MFSD8: variants seen among roughly 807,000 people sequenced by gnomAD.
The protein encoded by MFSD8 is major facilitator superfamily domain-containing protein 8.
In MFSD8, 55 loss-of-function variants were observed where a neutral mutation model predicts 66.4. That is an observed-to-expected ratio of 0.83 (90% CI 0.67 to 1.04). MFSD8 has a LOEUF of 1.04. Among genes scored for constraint, MFSD8 ranks in the 50% least tolerant of loss-of-function variants. The pLI is 0.00. For synonymous variants in MFSD8, 202 were observed against 212.8 expected (o/e 0.95, Z 0.44); for missense variants, 550 against 627.6 (o/e 0.88, Z 1.32).
intron 7 of MFSD8, 69 bp from the exon 8 acceptor site, chr4:127,933,162 T>A: frequency 7.7e-7 from 1 of 1,298,760 alleles, no homozygotes. Context: ...TAAAGTAATG[T>A]AGAAATTACA....
intron 2 of MFSD8, among the ~76,000 whole-genome samples, chr4:127,956,338 A>G (rs1448845524): frequency 6.6e-6 from 1 of 150,954 alleles, no homozygotes; most frequent in Non-Finnish European, 1.5e-5. Flanking sequence ...CCCCGTCTCT[A>G]CTAAAAATAT....
chr4:127,959,470 A>G (rs1743396732), intron 1 of MFSD8, among the ~76,000 whole-genome samples: 1 of 152,220 alleles, frequency 6.6e-6, no homozygotes, highest in South Asian at 2.1e-4. Context: ...TATGTATTGC[A>G]TGATATTCTT....
At chr4:127,965,023 T>C in intron 1 of MFSD8, 49 bp downstream of exon 1, 1 of 1,601,056 alleles carries the variant, frequency 6.2e-7, no homozygotes, top group South Asian at 1.1e-5. Context: ...AAGGAACCAG[T>C]CCCAACAGCG....
intron 7 of MFSD8, among the ~76,000 whole-genome samples, chr4:127,936,969 T>C (rs1157382225): frequency 1.3e-5 from 2 of 152,228 alleles, no homozygotes; most frequent in African/African-American, 4.8e-5. Context: ...TGATAGCTCC[T>C]TGAAGTTAGC....
At chr4:127,961,897 T>C (rs1018440487) in intron 1 of MFSD8, among the ~76,000 whole-genome samples, 1 of 151,524 alleles carries the variant, frequency 6.6e-6, no homozygotes, top group Non-Finnish European at 1.5e-5. Flanking sequence ...CTCAAGCTTA[T>C]GCACTTAACT....
At chr4:127,964,984 G>C in intron 1 of MFSD8, 88 bp downstream of exon 1, 5 of 1,496,718 alleles carry the variant, frequency 3.3e-6, no homozygotes, top group African/African-American at 1.4e-5. Flanking sequence ...TGGCAGCGAG[G>C]GTTTGTCCCA....
chr4:127,942,118 A>T lies in MFSD8; in HGVS notation c.480T>A (p.Thr160=). 6.2e-7 allele frequency: 1 copy of T among 1,614,028 alleles called. No homozygotes were observed. The highest frequency in any genetic ancestry group is 8.5e-7 in the Non-Finnish European group (1 of 1,179,930). ...AVVRSYTAGA[T]SLQERTSSMA... The stretch of plus-strand genomic sequence containing the variant: ...TGGAACTTGTTCTTTCCTGAAGGGA[A>T]GTAGCACCAGCAGTATATGATCTAA... The change falls in exon 5 of 12, where the codon ACT becomes ACA. Residue 160 remains threonine (T), a synonymous_variant. Coordinates refer to ENST00000641686, the MANE Select transcript of MFSD8 (RefSeq NM_001371596.2).
At chr4:127,921,456 G>A in intron 11 of MFSD8, 68 bp downstream of exon 11, 2 of 1,610,360 alleles carry the variant, frequency 1.2e-6, no homozygotes, top group Non-Finnish European at 1.7e-6. Context: ...ATAGAGAATG[G>A]CAGCAAAAAA....
intron 5 of MFSD8, 36 bp from the exon 6 acceptor site, chr4:127,940,033 T>C (rs1739880411): frequency 1.9e-6 from 3 of 1,563,554 alleles, no homozygotes; most frequent in Non-Finnish European, 8.8e-7. Flanking sequence ...TGAATTATTA[T>C]ATGAGAAGCA....
At chr4:127,956,640 G>A (rs1184064201) in intron 2 of MFSD8, among the ~76,000 whole-genome samples, 2 of 151,956 alleles carry the variant, frequency 1.3e-5, no homozygotes, top group Admixed American at 1.3e-4. Context: ...CCAACATGGA[G>A]ACATCCCGTC....
chr4:127,934,522 T>C (rs114607645), intron 7 of MFSD8: 289 of 152,052 alleles, frequency 1.9e-3, no homozygotes, highest in African/African-American at 6.7e-3. Flanking sequence ...TATCCACTTA[T>C]TCAGAATAAA....
intron 6 of MFSD8, 55 bp from the exon 7 acceptor site, chr4:127,938,893 T>C: frequency 1.5e-6 from 2 of 1,322,284 alleles, no homozygotes; most frequent in Non-Finnish European, 2.2e-6. Context: ...AGAGAAGTTG[T>C]TTAAATTTAT....
chr4:127,960,811 A>T (rs1296835929), intron 1 of MFSD8, among the ~76,000 whole-genome samples: 3 of 152,180 alleles, frequency 2.0e-5, no homozygotes, highest in Admixed American at 1.3e-4. Context: ...CTGAAGTGCA[A>T]TTAAGGAAAA....
rs777570875 is a variant in MFSD8, at chr4:127,921,547, T to C, written c.1327A>G (p.Lys443Glu). 1.2e-6 allele frequency: 2 copies of C among 1,614,188 alleles called. No homozygotes were observed. Among genetic ancestry groups the C allele is most frequent in the East Asian group, 4.5e-5 (2 of 44,892 alleles). Reference sequence around the variant, plus strand: ...ACCTGAGGTTTTGGTCCTAGAATTTTTGAATATAGAGTATAGGACATAAGA... The same window carrying C: ...ACCTGAGGTTTTGGTCCTAGAATTTCTGAATATAGAGTATAGGACATAAGA... ...CNLMSYTLYS[K>E]ILGPKPQGVY... Residue 443 changes from lysine to glutamate, a missense_variant, in exon 11 of 12, where the codon AAA becomes GAA. Transcript: ENST00000641686.
intron 3 of MFSD8, among the ~76,000 whole-genome samples, chr4:127,949,333 C>T (rs773040505): frequency 6.6e-6 from 1 of 152,146 alleles, no homozygotes; most frequent in Non-Finnish European, 1.5e-5. Context: ...CCCCTCTTCC[C>T]CTTCTAGTAA....
intron 6 of MFSD8, 91 bp downstream of exon 6, chr4:127,939,762 C>T (rs1207373411): frequency 7.1e-6 from 10 of 1,414,252 alleles, no homozygotes; most frequent in Non-Finnish European, 9.7e-6. Flanking sequence ...AAACTACGTA[C>T]ACTTCATAAG....
intron 2 of MFSD8, among the ~76,000 whole-genome samples, chr4:127,951,086 T>C (rs1012774122): frequency 6.6e-6 from 1 of 151,142 alleles, no homozygotes; most frequent in African/African-American, 2.4e-5. Flanking sequence ...AAAGAAAAAA[T>C]AAATTTAAAA....
chr4:127,939,920 T>C lies in MFSD8; in HGVS notation c.631A>G (p.Thr211Ala), dbSNP rs777761765. Residue 211 changes from threonine (T) to alanine (A), a missense_variant, in exon 6 of 12, where the codon ACA (threonine) becomes GCA (alanine). Coordinates refer to ENST00000641686, the MANE Select transcript of MFSD8 (RefSeq NM_001371596.2). ...AAGGCGCTAAGTAAAACTGGTGTTGTATACATGTTTATCTGCAGTTTAATC... is the reference window on the plus strand; with the variant it reads ...AAGGCGCTAAGTAAAACTGGTGTTGCATACATGTTTATCTGCAGTTTAATC... ...DVIKLQINMY[T>A]TPVLLSAFLG... The C allele has an allele frequency of 1.2e-6, 2 of 1,613,560 alleles. No homozygotes were observed. The highest frequency in any genetic ancestry group is 2.2e-5 in the East Asian group (1 of 44,786).
chr4:127,929,708 C>G (rs1452019462), intron 9 of MFSD8, among the ~76,000 whole-genome samples: 3 of 152,102 alleles, frequency 2.0e-5, no homozygotes, highest in Non-Finnish European at 2.9e-5. Flanking sequence ...GGTACAAATA[C>G]ACAGTTAGAA....
Sources: allele counts gnomAD v4.1 joint callset (sites outside exome capture counted in the v4.1 genomes callset), GRCh38; gene constraint gnomAD v4.1.1; transcripts MANE v1.5; gene names NCBI Gene and HGNC (gene_info 2026-07-23, HGNC 2026-07-21).